Variants in DPP10 observed in about 807,000 individuals in gnomAD.
The protein encoded by DPP10 is inactive dipeptidyl peptidase 10.
A neutral mutation model predicts 120.9 loss-of-function variants in DPP10; 33 were observed. That is an observed-to-expected ratio of 0.27 (90% CI 0.21 to 0.37). The LOEUF (loss-of-function observed/expected upper bound fraction) is 0.37. Among genes scored for constraint, DPP10 ranks in the 10% least tolerant of loss-of-function variants. DPP10 has a pLI of 1.00. For synonymous variants in DPP10, 337 were observed against 326.1 expected, an observed-to-expected ratio of 1.03 and a Z score of -0.36; for missense variants, 816 against 942.8, an observed-to-expected ratio of 0.87 and a Z score of 1.76.
intron 1 of DPP10, among the ~76,000 whole-genome samples, chr2:115,208,440 A>T (rs2056303844): frequency 6.6e-6 from 1 of 152,032 alleles, no homozygotes; most frequent in African/African-American, 2.4e-5. Flanking sequence ...TAAAAGAGTA[A>T]CTTCTTTTAA....
At chr2:114,580,533 T>A (rs1690413064) in intron 1 of DPP10, among the ~76,000 whole-genome samples, 1 of 152,214 alleles carries the variant, frequency 6.6e-6, no homozygotes, top group African/African-American at 2.4e-5. Context: ...GGATTTGGAA[T>A]AATGCCTGTC....
chr2:115,515,829 G>C (rs1425133419), intron 4 of DPP10, among the ~76,000 whole-genome samples: 1 of 151,968 alleles, frequency 6.6e-6, no homozygotes, highest in African/African-American at 2.4e-5. Context: ...TACCCTATAA[G>C]AGTTGGAAAT....
intron 3 of DPP10, among the ~76,000 whole-genome samples, chr2:115,429,007 G>A (rs2070735652): frequency 1.3e-5 from 2 of 151,890 alleles, no homozygotes; most frequent in Admixed American, 1.3e-4. Context: ...ATATCAGGTA[G>A]CGACATAAGA....
intron 3 of DPP10, among the ~76,000 whole-genome samples, chr2:115,372,360 T>A (rs747216341): frequency 2.0e-5 from 3 of 151,836 alleles, no homozygotes; most frequent in Non-Finnish European, 2.9e-5. Flanking sequence ...CTTCTGAGCA[T>A]CTCTTAAGAG....
chr2:114,880,792 T>C (rs930814000), intron 1 of DPP10, among the ~76,000 whole-genome samples: 2 of 152,120 alleles, frequency 1.3e-5, no homozygotes, highest in Non-Finnish European at 2.9e-5. Flanking sequence ...AATGCAGTAA[T>C]ATGAATGAAA....
At chr2:114,784,120 T>C (rs1682563349) in intron 1 of DPP10, among the ~76,000 whole-genome samples, 3 of 151,986 alleles carry the variant, frequency 2.0e-5, no homozygotes, top group Non-Finnish European at 4.4e-5. Context: ...ATCTGAAATA[T>C]AGTATATGCA....
chr2:115,542,951 G>T (rs2079261393), intron 5 of DPP10, among the ~76,000 whole-genome samples: 1 of 151,808 alleles, frequency 6.6e-6, no homozygotes, highest in South Asian at 2.1e-4. Context: ...TTTAAAAAAT[G>T]GAATATAAAG....
In DPP10 at chr2:114,822,774, A is replaced by G. The variant is rs1686207886; in HGVS notation, c.60+379936A>G. On this transcript the variant is annotated intron_variant, in intron 1 of 25. Coordinates refer to ENST00000410059, the MANE Select transcript of DPP10 (RefSeq NM_020868.6). ...TCTAAATCATCTCTCTCAAGTTCAAACTTCCACAAATCTCTAGGACACGGG... is the reference window on the plus strand; with the variant it reads ...TCTAAATCATCTCTCTCAAGTTCAAGCTTCCACAAATCTCTAGGACACGGG... 2.6e-5 allele frequency among the ~76,000 whole-genome samples: 4 copies of G among 152,154 alleles called. No individual in the cohort carries two copies. The South Asian group carries it at 8.3e-4, about 32-fold the overall frequency.
chr2:114,967,701 G>A lies in DPP10; in HGVS notation c.61-341538G>A, dbSNP rs531288974. Reference sequence around the variant, plus strand: ...ATGTTTTCAAAGCTGCTTATTGGTCGTGAGACCCAAAAGTCTTGGTCATTC... The same window carrying A: ...ATGTTTTCAAAGCTGCTTATTGGTCATGAGACCCAAAAGTCTTGGTCATTC... On this transcript the variant is annotated intron_variant, in intron 1 of 25. Coordinates refer to ENST00000410059, the MANE Select transcript of DPP10 (RefSeq NM_020868.6). Among the ~76,000 whole-genome samples, 17 of 152,270 alleles carry A rather than the reference G, an allele frequency of 1.1e-4. No homozygotes were observed. The South Asian group carries it at 2.1e-3, about 19-fold the overall frequency.
chr2:114,619,422 T>C (rs1693920785), intron 1 of DPP10, among the ~76,000 whole-genome samples: 1 of 150,914 alleles, frequency 6.6e-6, no homozygotes, highest in Non-Finnish European at 1.5e-5. Context: ...TACACACACA[T>C]ATAGTGAGAG....
At chr2:114,556,327 T>C (rs184605186) in intron 1 of DPP10, among the ~76,000 whole-genome samples, 9 of 147,220 alleles carry the variant, frequency 6.1e-5, no homozygotes, top group Non-Finnish European at 1.2e-4. Flanking sequence ...AATAGGTAGA[T>C]AGATAGATGT....
chr2:115,212,763 T>C (rs2056598743), intron 1 of DPP10, among the ~76,000 whole-genome samples: 1 of 152,200 alleles, frequency 6.6e-6, no homozygotes, highest in South Asian at 2.1e-4. Flanking sequence ...TGCATCAGTA[T>C]ATGTGTACAT....
intron 1 of DPP10, among the ~76,000 whole-genome samples, chr2:114,906,710 C>T (rs1204683942): frequency 6.6e-6 from 1 of 152,084 alleles, no homozygotes; most frequent in Non-Finnish European, 1.5e-5. Context: ...TAAATTCCCA[C>T]TTGGTCATAT....
chr2:115,616,703 A>G (rs1357633936), intron 5 of DPP10, among the ~76,000 whole-genome samples: 5 of 151,998 alleles, frequency 3.3e-5, no homozygotes, highest in African/African-American at 7.2e-5. Context: ...CAGAACAGCA[A>G]TACTCTTCTG....
chr2:114,675,156 C>G (rs1435485869), intron 1 of DPP10, among the ~76,000 whole-genome samples: 3 of 152,080 alleles, frequency 2.0e-5, no homozygotes, highest in African/African-American at 7.2e-5. Flanking sequence ...TGATCTCTTC[C>G]TCTTGTTAAC....
At chr2:114,944,016 T>C (rs1224653842) in intron 1 of DPP10, among the ~76,000 whole-genome samples, 2 of 152,094 alleles carry the variant, frequency 1.3e-5, no homozygotes, top group Non-Finnish European at 2.9e-5. Context: ...CTTGGTTTTT[T>C]ATCTTTTTTG....
intron 1 of DPP10, among the ~76,000 whole-genome samples, chr2:114,615,401 C>G (rs1304363986): frequency 6.6e-6 from 1 of 152,122 alleles, no homozygotes; most frequent in African/African-American, 2.4e-5. Flanking sequence ...TCTCTATTCT[C>G]TTGGCTTTAA....
intron 1 of DPP10, among the ~76,000 whole-genome samples, chr2:114,710,361 T>G (rs930582526): frequency 6.6e-5 from 10 of 152,268 alleles, no homozygotes; most frequent in Admixed American, 1.3e-4. Flanking sequence ...TTGCTTGCTT[T>G]TAAGAGGATT....
At chr2:114,754,513 T>C (rs1679552737) in intron 1 of DPP10, among the ~76,000 whole-genome samples, 1 of 152,212 alleles carries the variant, frequency 6.6e-6, no homozygotes, top group Non-Finnish European at 1.5e-5. Flanking sequence ...TTATTTTTCT[T>C]TCTTTAAGTC....
Sources: allele counts gnomAD v4.1 joint callset (sites outside exome capture counted in the v4.1 genomes callset), GRCh38; gene constraint gnomAD v4.1.1; transcripts MANE v1.5; gene names NCBI Gene and HGNC (gene_info 2026-07-23, HGNC 2026-07-21).